Variants in NXPH2 observed in about 807,000 individuals in gnomAD.
The protein encoded by NXPH2 is neurexophilin 2, also known as neurexophilin-2.
NXPH2 carries 5 observed loss-of-function variants against 19.8 expected under a neutral mutation model. The ratio of observed to expected loss-of-function variants is 0.25; its 90% CI spans 0.13 to 0.53. The LOEUF (loss-of-function observed/expected upper bound fraction) is 0.53. Among genes scored for constraint, NXPH2 ranks in the 20% least tolerant of loss-of-function variants. NXPH2 has a pLI of 0.96. For synonymous variants in NXPH2, 154 were observed against 127.4 expected (o/e 1.21, Z -1.41); for missense variants, 289 against 322.8 (o/e 0.90, Z 0.80).
At chr2:138,775,868 A>G (rs1682253060) in intron 1 of NXPH2, among the ~76,000 whole-genome samples, 2 of 152,138 alleles carry the variant, frequency 1.3e-5, no homozygotes, top group African/African-American at 4.8e-5. Flanking sequence ...CCAGCTTCTA[A>G]CCAGCAATAA....
rs1441427620 is a variant in NXPH2 at position 138,669,296 on chromosome 2, G to A, written c.*1626C>T. Among the ~76,000 whole-genome samples the A allele has an allele frequency of 1.3e-5, 2 of 151,868 alleles. No individual in the cohort carries two copies. The highest frequency in any genetic ancestry group is 4.8e-5 in the African/African-American group (2 of 41,332). On this transcript the variant is annotated 3_prime_UTR_variant, in exon 2 of 2. Coordinates refer to ENST00000272641, the MANE Select transcript of NXPH2 (RefSeq NM_007226.3). ...TTACAATAAATAATATTTTACTCTT[G>A]TTTCTAGGTGAAAATAAAAAGATGT...
chr2:138,715,948 G>T (rs1365045002), intron 1 of NXPH2, among the ~76,000 whole-genome samples: 2 of 152,110 alleles, frequency 1.3e-5, no homozygotes, highest in African/African-American at 4.8e-5. Flanking sequence ...TAGGGAAATA[G>T]CTGGACCAAC....
intron 1 of NXPH2, among the ~76,000 whole-genome samples, chr2:138,748,415 A>G (rs1002764317): frequency 3.3e-5 from 5 of 152,228 alleles, no homozygotes; most frequent in Non-Finnish European, 5.9e-5. Context: ...CAACAAGGCC[A>G]CTTTCTAGGC....
chr2:138,736,733 A>C (rs1681544929), intron 1 of NXPH2, among the ~76,000 whole-genome samples: 1 of 152,158 alleles, frequency 6.6e-6, no homozygotes, highest in Admixed American at 6.5e-5. Context: ...CAGGCTGCAA[A>C]TTTTCCAAAC....
intron 1 of NXPH2, among the ~76,000 whole-genome samples, chr2:138,731,158 T>G (rs1573969816): frequency 6.6e-6 from 1 of 152,222 alleles, no homozygotes; most frequent in East Asian, 1.9e-4. Context: ...CTTGCTTTTT[T>G]AGAGCAGGAA....
chr2:138,718,034 A>T (rs921129986), intron 1 of NXPH2, among the ~76,000 whole-genome samples: 1 of 152,102 alleles, frequency 6.6e-6, no homozygotes, highest in Non-Finnish European at 1.5e-5. Context: ...GAGAAAGTAA[A>T]ACCATAAAAA....
At chr2:138,737,916 C>CTT (rs74363159) in intron 1 of NXPH2, among the ~76,000 whole-genome samples, 1 of 145,106 alleles carries the variant, frequency 6.9e-6, no homozygotes. Flanking sequence ...CCTTCATTTT[C>CTT]TTTTTTTTTT....
chr2:138,688,833 C>G (rs1680702955), intron 1 of NXPH2, among the ~76,000 whole-genome samples: 1 of 152,170 alleles, frequency 6.6e-6, no homozygotes, highest in East Asian at 1.9e-4. Flanking sequence ...ACCGCCCCCC[C>G]AACCCCCGGC....
chr2:138,711,360 T>G (rs137904977), intron 1 of NXPH2, among the ~76,000 whole-genome samples: 12,760 of 151,832 alleles, frequency 0.084, 788 homozygotes, highest in Non-Finnish European at 0.11. Context: ...AGGCTGGTCT[T>G]GATCTCCTGA....
chr2:138,714,815 A>G (rs549033190), intron 1 of NXPH2, among the ~76,000 whole-genome samples: 22 of 152,364 alleles, frequency 1.4e-4, no homozygotes, highest in Admixed American at 1.3e-3. Flanking sequence ...TAGACTATGT[A>G]CCTAAACAAC....
intron 1 of NXPH2, among the ~76,000 whole-genome samples, chr2:138,754,655 T>C (rs1215114518): frequency 6.6e-6 from 1 of 152,162 alleles, no homozygotes; most frequent in African/African-American, 2.4e-5. Flanking sequence ...AACATTTGCA[T>C]GCAGACATTT....
In NXPH2 at chr2:138,747,480, T is replaced by G. The variant is rs567435831; in HGVS notation, c.51+32711A>C. The stretch of plus-strand genomic sequence containing the variant: ...TGTGAAGGGGCCCCGTGTGGTACAC[T>G]TGGCCCCTGATTGTGACCTGTCCCC... On this transcript the variant is annotated intron_variant, in intron 1 of 1. Coordinates refer to ENST00000272641, the MANE Select transcript of NXPH2 (RefSeq NM_007226.3). 4.1e-4 allele frequency among the ~76,000 whole-genome samples: 63 copies of G among 152,258 alleles called. No individual in the cohort carries two copies. In the South Asian group the frequency reaches 0.013, roughly 31 times the overall value.
chr2:138,713,391 TC>T (rs201044386), intron 1 of NXPH2, among the ~76,000 whole-genome samples: 119 of 152,268 alleles, frequency 7.8e-4, no homozygotes, highest in African/African-American at 2.8e-3. Context: ...TTTAGAAGCT[TC>T]CAAAGGAAGG....
chr2:138,706,185 G>T (rs1409742179), intron 1 of NXPH2, among the ~76,000 whole-genome samples: 1 of 152,146 alleles, frequency 6.6e-6, no homozygotes, highest in Non-Finnish European at 1.5e-5. Flanking sequence ...AATTTTCTCT[G>T]TGCCTGTTAT....
rs1573953011 is a variant in NXPH2 at position 138,684,595 on chromosome 2, A to G, written c.52-12930T>C. Reference sequence around the variant, plus strand: ...CTGGAAAAAAGATCTTGCAATCACTACAAGTAAAATCTAAATCCAAATCAG... The same window carrying G: ...CTGGAAAAAAGATCTTGCAATCACTGCAAGTAAAATCTAAATCCAAATCAG... On this transcript the variant is annotated intron_variant, in intron 1 of 1. Transcript: ENST00000272641. Among the ~76,000 whole-genome samples, 3 of 152,326 alleles carry G rather than the reference A, an allele frequency of 2.0e-5. No homozygotes were observed. The East Asian group carries it at 5.8e-4, about 29-fold the overall frequency.
chr2:138,730,531 G>A (rs1257940847), intron 1 of NXPH2, among the ~76,000 whole-genome samples: 1 of 152,150 alleles, frequency 6.6e-6, no homozygotes, highest in Non-Finnish European at 1.5e-5. Context: ...GCCCTGAGCT[G>A]CTTGATAAGA....
intron 1 of NXPH2, among the ~76,000 whole-genome samples, chr2:138,672,292 G>A (rs376030451): frequency 6.6e-6 from 1 of 152,196 alleles, no homozygotes; most frequent in South Asian, 2.1e-4. Flanking sequence ...AAAACAGAAA[G>A]TAATGTAGAG....
intron 1 of NXPH2, among the ~76,000 whole-genome samples, chr2:138,760,645 G>C (rs1420217856): frequency 1.3e-5 from 2 of 152,150 alleles, no homozygotes; most frequent in Non-Finnish European, 2.9e-5. Flanking sequence ...AAAGTCCTTA[G>C]ATGAGGCTTA....
At chr2:138,691,414 T>A (rs1680743056) in intron 1 of NXPH2, among the ~76,000 whole-genome samples, 1 of 152,188 alleles carries the variant, frequency 6.6e-6, no homozygotes, top group Admixed American at 6.5e-5. Flanking sequence ...CATGCACAGA[T>A]TGAATGTGAG....
Sources: gnomAD v4.1 joint callset for allele counts (sites outside exome capture counted in the v4.1 genomes callset) on GRCh38, gnomAD v4.1.1 for gene constraint, MANE v1.5 for transcripts, NCBI Gene and HGNC (gene_info 2026-07-23, HGNC 2026-07-21) for gene names.